The following GPM6A variants were observed in gnomAD, a reference collection of about 807,000 sequenced individuals.
GPM6A encodes glycoprotein M6A.
GPM6A carries 7 observed loss-of-function variants against 32.1 expected under a neutral mutation model. The ratio of observed to expected loss-of-function variants is 0.22; its 90% CI spans 0.12 to 0.41. GPM6A has a LOEUF of 0.41. Ranked by LOEUF, GPM6A falls within the 10% of genes least tolerant of loss-of-function variation. The pLI, the probability that GPM6A is intolerant of heterozygous loss-of-function variation, is 1.00. For synonymous variants in GPM6A, 130 were observed against 123.4 expected (o/e 1.05, Z -0.35); for missense variants, 235 against 347.2 (o/e 0.68, Z 2.57).
intron 1 of GPM6A, among the ~76,000 whole-genome samples, chr4:175,729,540 G>T (rs1188794089): frequency 2.0e-5 from 3 of 151,978 alleles, no homozygotes; most frequent in Non-Finnish European, 4.4e-5. Flanking sequence ...AGCACAAAAG[G>T]ATGACTACAG....
chr4:175,953,030 T>TTA (rs1554004592), intron 1 of GPM6A, among the ~76,000 whole-genome samples: 4,452 of 135,392 alleles, frequency 0.033, 91 homozygotes, highest in Non-Finnish European at 0.049. Flanking sequence ...ACCCTGTTTT[T>TTA]AAAAAAAAAA....
At chr4:175,737,530 T>A (rs1315216583) in intron 1 of GPM6A, among the ~76,000 whole-genome samples, 1 of 152,180 alleles carries the variant, frequency 6.6e-6, no homozygotes, top group Non-Finnish European at 1.5e-5. Flanking sequence ...GATAATTTAT[T>A]CCTTATTCTG....
intron 1 of GPM6A, among the ~76,000 whole-genome samples, chr4:175,931,709 C>CACACACATATATATAT (rs1324269132): frequency 5.0e-4 from 65 of 129,332 alleles, no homozygotes; most frequent in African/African-American, 1.8e-3. Context: ...CACACACACA[C>CACACACATATATATAT]ATATATATAT....
In GPM6A at chr4:175,634,433, T is replaced by C. The variant is rs950300470; in HGVS notation, c.*472A>G. The stretch of plus-strand genomic sequence containing the variant: ...CCATATTTCAAGAGTCATCAAGATG[T>C]AATCTCTATCTATTGTTCATAATGT... On this transcript the variant is annotated 3_prime_UTR_variant, in exon 7 of 7. Coordinates refer to ENST00000393658, the MANE Select transcript of GPM6A (RefSeq NM_201591.3). 7 of 153,012 alleles carry C rather than the reference T, an allele frequency of 4.6e-5. No individual in the cohort carries two copies. Among genetic ancestry groups the C allele is most frequent in the African/African-American group, 1.4e-4 (6 of 41,434 alleles). The allele number at this position is 153,012 out of a possible 1,614,324, so 9.5% of individuals were successfully genotyped here.
chr4:175,785,637 G>C (rs1278468624), intron 1 of GPM6A, among the ~76,000 whole-genome samples: 1 of 151,878 alleles, frequency 6.6e-6, no homozygotes, highest in Non-Finnish European at 1.5e-5. Flanking sequence ...CCCTTTTTTA[G>C]CATTTGCATT....
intron 1 of GPM6A, among the ~76,000 whole-genome samples, chr4:175,858,511 G>T (rs111508786): frequency 0.025 from 3,711 of 149,576 alleles, 138 homozygotes; most frequent in African/African-American, 0.084. Context: ...CAGCCTGGGC[G>T]ACAGAGAGAA....
intron 1 of GPM6A, among the ~76,000 whole-genome samples, chr4:175,985,727 T>C (rs1211147398): frequency 1.3e-5 from 2 of 152,190 alleles, no homozygotes; most frequent in Non-Finnish European, 2.9e-5. Context: ...TTATAACCAT[T>C]CTATTCTATT....
intron 1 of GPM6A, among the ~76,000 whole-genome samples, chr4:175,874,827 C>T (rs1047937595): frequency 6.6e-6 from 1 of 152,134 alleles, no homozygotes; most frequent in Non-Finnish European, 1.5e-5. Context: ...AATTGGCATA[C>T]ATCCTTTTAA....
At chr4:175,943,745 G>A (rs896398214) in intron 1 of GPM6A, among the ~76,000 whole-genome samples, 1 of 152,134 alleles carries the variant, frequency 6.6e-6, no homozygotes, top group Non-Finnish European at 1.5e-5. Context: ...TGATTGTGGT[G>A]GATAAGCTTT....
At chr4:175,954,617 G>A (rs370557105) in intron 1 of GPM6A, among the ~76,000 whole-genome samples, 1 of 152,312 alleles carries the variant, frequency 6.6e-6, no homozygotes, top group East Asian at 1.9e-4. Context: ...GTGAATCTGA[G>A]ATGATGAGTT....
intron 1 of GPM6A, among the ~76,000 whole-genome samples, chr4:175,931,709 C>CACACATATATATATATATATATAT (rs1324269132): frequency 7.7e-6 from 1 of 129,298 alleles, no homozygotes; most frequent in African/African-American, 2.9e-5. Context: ...CACACACACA[C>CACACATATATATATATATATATAT]ATATATATAT....
At chr4:175,889,518 C>CAA (rs35210127) in intron 1 of GPM6A, among the ~76,000 whole-genome samples, 3 of 137,012 alleles carry the variant, frequency 2.2e-5, no homozygotes, top group Admixed American at 7.2e-5. Flanking sequence ...ACCCTGTCTC[C>CAA]AAAAAAAAAA....
intron 1 of GPM6A, among the ~76,000 whole-genome samples, chr4:175,992,884 C>G (rs997143952): frequency 6.6e-6 from 1 of 152,136 alleles, no homozygotes; most frequent in Admixed American, 6.6e-5. Context: ...TTAAAAAACT[C>G]AAATGCCATC....
At chr4:175,940,956 G>A (rs1438148834) in intron 1 of GPM6A, among the ~76,000 whole-genome samples, 1 of 152,214 alleles carries the variant, frequency 6.6e-6, no homozygotes, top group East Asian at 1.9e-4. Flanking sequence ...TACTGAAATA[G>A]GAGCTAAAAA....
chr4:175,820,909 A>G (rs1159234079), intron 1 of GPM6A, among the ~76,000 whole-genome samples: 1 of 152,140 alleles, frequency 6.6e-6, no homozygotes, highest in Non-Finnish European at 1.5e-5. Flanking sequence ...AACATTTAAT[A>G]TTGTTTCTAA....
At chr4:175,693,079 G>A (rs2111041505) in intron 2 of GPM6A, among the ~76,000 whole-genome samples, 1 of 152,056 alleles carries the variant, frequency 6.6e-6, no homozygotes, top group East Asian at 1.9e-4. Flanking sequence ...ATTAGCTGAT[G>A]TGGATGGCAC....
chr4:175,938,657 A>G (rs1375353628), intron 1 of GPM6A, among the ~76,000 whole-genome samples: 1 of 152,088 alleles, frequency 6.6e-6, no homozygotes, highest in African/African-American at 2.4e-5. Context: ...GTAAGGATAC[A>G]TAATAACAGA....
At chr4:175,764,661 G>A (rs909119338) in intron 1 of GPM6A, among the ~76,000 whole-genome samples, 18 of 152,046 alleles carry the variant, frequency 1.2e-4, no homozygotes, top group African/African-American at 3.9e-4. Flanking sequence ...GAAACTCACT[G>A]TTTCAAAAAC....
At chr4:175,672,200 G>T (rs1743118410) in intron 3 of GPM6A, among the ~76,000 whole-genome samples, 1 of 152,160 alleles carries the variant, frequency 6.6e-6, no homozygotes, top group Admixed American at 6.5e-5. Context: ...ACTCGTCCTG[G>T]CAGAAGGTTA....
Sources: gnomAD v4.1 joint callset for allele counts (sites outside exome capture counted in the v4.1 genomes callset) on GRCh38, gnomAD v4.1.1 for gene constraint, MANE v1.5 for transcripts, NCBI Gene and HGNC (gene_info 2026-07-23, HGNC 2026-07-21) for gene names.